The following CARF variants were observed in gnomAD, a reference collection of about 807,000 sequenced individuals.
CARF encodes calcium responsive transcription factor.
CARF carries 57 observed loss-of-function variants against 82.0 expected under a neutral mutation model. The ratio of observed to expected loss-of-function variants is 0.70; its 90% CI spans 0.56 to 0.87. The LOEUF (loss-of-function observed/expected upper bound fraction) is 0.87, where lower values mean the gene tolerates loss of function less well. Ranked by LOEUF, CARF falls within the 40% of genes least tolerant of loss-of-function variation. CARF has a pLI of 0.00. For missense variants in CARF, 771 were observed against 855.8 expected (o/e 0.90, Z 1.24); for synonymous variants, 268 against 290.1 (o/e 0.92, Z 0.77).
chr2:202,957,726 G>A (rs754981366), intron 8 of CARF, among the ~76,000 whole-genome samples: 2 of 152,242 alleles, frequency 1.3e-5, no homozygotes, highest in East Asian at 1.9e-4. Flanking sequence ...AAGCCAAAGC[G>A]GGCAGATCAC....
intron 9 of CARF, 38 bp downstream of exon 9, chr2:202,961,464 C>G (rs771493222): frequency 1.7e-5 from 26 of 1,555,606 alleles, no homozygotes; most frequent in African/African-American, 4.1e-5. Flanking sequence ...GGTTCAGCAG[C>G]AGCCATAGTC....
Position 202,971,555 on chromosome 2 carries a change from A to G in CARF, c.1148A>G (p.Glu383Gly), listed in dbSNP as rs1457800069. 4 of 1,613,602 alleles carry G rather than the reference A, an allele frequency of 2.5e-6. No homozygotes were observed. The highest frequency in any genetic ancestry group is 2.5e-6 in the Non-Finnish European group (3 of 1,179,798). The change falls in exon 12 of 17, where the codon GAG (glutamate) becomes GGG (glycine). Residue 383 changes from glutamate (E) to glycine (G), a missense_variant. Transcript: ENST00000438828. ...CAAGCTCATCAGTATCATGAATTAG[A>G]GACTCCCTGCCTCACTTTGTCACCT... ...TQQAHQYHEL[E>G]TPCLTLSPSP...
intron 14 of CARF, among the ~76,000 whole-genome samples, chr2:202,979,477 T>C (rs951497585): frequency 1.3e-5 from 2 of 151,946 alleles, no homozygotes; most frequent in Non-Finnish European, 2.9e-5. Flanking sequence ...CTTAAGCTGA[T>C]TTTACAGATG....
At chr2:202,930,957 T>A (rs1320439063) in intron 3 of CARF, among the ~76,000 whole-genome samples, 1 of 151,566 alleles carries the variant, frequency 6.6e-6, no homozygotes, top group East Asian at 1.9e-4. Flanking sequence ...CCTTATGACT[T>A]TTTTTCTTTT....
chr2:202,933,330 G>A (rs1179110653), intron 3 of CARF, among the ~76,000 whole-genome samples: 1 of 152,116 alleles, frequency 6.6e-6, no homozygotes, highest in African/African-American at 2.4e-5. Flanking sequence ...GCCGTAGTTC[G>A]GATTCCAAGA....
At chr2:202,973,024 A>G (rs1038819990) in intron 12 of CARF, among the ~76,000 whole-genome samples, 6 of 152,116 alleles carry the variant, frequency 3.9e-5, no homozygotes, top group African/African-American at 1.4e-4. Context: ...TGATGCACCC[A>G]AGAAGATGGG....
At chr2:202,929,142 C>T (rs1692412985) in intron 3 of CARF, among the ~76,000 whole-genome samples, 2 of 152,206 alleles carry the variant, frequency 1.3e-5, no homozygotes, top group South Asian at 4.1e-4. Flanking sequence ...TTCCACTCTG[C>T]AGGTTGTCTC....
intron 8 of CARF, 64 bp from the exon 9 acceptor site, chr2:202,961,173 C>T: frequency 7.5e-7 from 1 of 1,341,070 alleles, no homozygotes; most frequent in Non-Finnish European, 1.0e-6. Flanking sequence ...ACAACCATCT[C>T]ATTACATTTA....
At chr2:202,974,067 G>A (rs766476204) in intron 12 of CARF, among the ~76,000 whole-genome samples, 10 of 152,154 alleles carry the variant, frequency 6.6e-5, no homozygotes, top group Non-Finnish European at 7.4e-5. Context: ...CAGCCTGGGC[G>A]ACAGAGCGAG....
Position 202,984,064 on chromosome 2 carries a change from T to C in CARF, c.*440T>C, listed in dbSNP as rs1156533839. On this transcript the variant is annotated 3_prime_UTR_variant, in exon 17 of 17. Coordinates refer to ENST00000438828, the MANE Select transcript of CARF (RefSeq NM_024744.17). ...TTTTAAGTTCTGAAAAAGAACTTGT[T>C]CTCTCCTTAAAGTTGTGAAGAAATT... The C allele has an allele frequency of 6.5e-6, 1 of 152,996 alleles. No individual in the cohort carries two copies. The highest frequency in any genetic ancestry group is 2.4e-5 in the African/African-American group (1 of 41,452). 9.5% of individuals were successfully genotyped at this position (152,996 alleles called of 1,614,324 possible).
At chr2:202,931,737 G>T (rs1692973301) in intron 3 of CARF, among the ~76,000 whole-genome samples, 1 of 145,200 alleles carries the variant, frequency 6.9e-6, no homozygotes, top group Admixed American at 6.7e-5. Context: ...GCAATAACTG[G>T]GTGCTCATTC....
intron 1 of CARF, among the ~76,000 whole-genome samples, chr2:202,915,408 T>C (rs1689449848): frequency 6.6e-6 from 1 of 152,164 alleles, no homozygotes; most frequent in Admixed American, 6.5e-5. Flanking sequence ...TGATCCGTGT[T>C]TCAGCCTCCC....
intron 3 of CARF, among the ~76,000 whole-genome samples, chr2:202,931,673 G>T (rs1275956245): frequency 6.6e-6 from 1 of 151,788 alleles, no homozygotes; most frequent in African/African-American, 2.4e-5. Flanking sequence ...TCTGTTTGTG[G>T]ATAGGTGCAG....
At chr2:202,917,577 A>C (rs2105937939) in intron 1 of CARF, among the ~76,000 whole-genome samples, 1 of 152,276 alleles carries the variant, frequency 6.6e-6, no homozygotes, top group East Asian at 1.9e-4. Context: ...ATTGATGAAA[A>C]ATGTAATTTG....
At chr2:202,963,977 T>A (rs2059431379) in intron 9 of CARF, among the ~76,000 whole-genome samples, 1 of 152,166 alleles carries the variant, frequency 6.6e-6, no homozygotes, top group Non-Finnish European at 1.5e-5. Context: ...AGTGGTCCAG[T>A]CTGGAGGTTA....
At chr2:202,955,602 GGA>G in intron 7 of CARF, 70 bp from the exon 8 acceptor site, 1 of 1,068,122 alleles carries the variant, frequency 9.4e-7, no homozygotes. Flanking sequence ...GATACTAAGA[GGA>G]TAAAGCAGTT....
At chr2:202,953,886 A>T in intron 6 of CARF, 119 bp from the exon 7 acceptor site, 1 of 728,398 alleles carries the variant, frequency 1.4e-6, no homozygotes, top group Non-Finnish European at 2.0e-6. Context: ...TTATTCCTTT[A>T]CTCTCAATAA....
intron 13 of CARF, 65 bp from the exon 14 acceptor site, chr2:202,977,204 G>A: frequency 8.6e-7 from 1 of 1,156,188 alleles, no homozygotes; most frequent in South Asian, 1.3e-5. Flanking sequence ...CAGTCGTAAT[G>A]ACGTCTTAAG....
chr2:202,956,987 C>T (rs557610746), intron 8 of CARF, among the ~76,000 whole-genome samples: 73 of 152,128 alleles, frequency 4.8e-4, no homozygotes, highest in Middle Eastern at 3.4e-3. Flanking sequence ...CAGGGTTTTG[C>T]TATGTTTGTC....
Sources: allele counts gnomAD v4.1 joint callset (sites outside exome capture counted in the v4.1 genomes callset), GRCh38; gene constraint gnomAD v4.1.1; transcripts MANE v1.5; gene names NCBI Gene and HGNC (gene_info 2026-07-23, HGNC 2026-07-21).